ATP8B4: variants seen among roughly 807,000 people sequenced by gnomAD.
ATP8B4 encodes probable phospholipid-transporting ATPase IM.
Under a neutral mutation model 145.6 loss-of-function variants are expected in ATP8B4, and 133 were observed. The observed-to-expected ratio is 0.91, with a 90% CI of 0.79 to 1.05. The LOEUF (loss-of-function observed/expected upper bound fraction) is 1.05. Ranked by LOEUF, ATP8B4 falls within the 50% of genes least tolerant of loss-of-function variation. ATP8B4 has a pLI of 0.00. For synonymous variants in ATP8B4, 507 were observed against 492.9 expected, an observed-to-expected ratio of 1.03 and a Z score of -0.38; for missense variants, 1,458 against 1,425.2, an observed-to-expected ratio of 1.02 and a Z score of -0.37.
intron 25 of ATP8B4, among the ~76,000 whole-genome samples, chr15:49,869,095 G>C (rs1392072015): frequency 6.6e-6 from 1 of 152,086 alleles, no homozygotes; most frequent in Non-Finnish European, 1.5e-5. Flanking sequence ...ATTTTTAGTA[G>C]AGACAGGGTT....
chr15:50,114,336 C>T (rs1178491003), intron 1 of ATP8B4: 1 of 152,074 alleles, frequency 6.6e-6, no homozygotes, highest in African/African-American at 2.4e-5. Flanking sequence ...CATAGCTTAG[C>T]TCCCACTTAT....
chr15:49,950,590 TAAAAA>T (rs766902500), intron 14 of ATP8B4, among the ~76,000 whole-genome samples: 5 of 46,322 alleles, frequency 1.1e-4, no homozygotes, highest in African/African-American at 2.8e-4. Context: ...ATGTATTAAC[TAAAAA>T]AAAAAAACAA....
intron 6 of ATP8B4, among the ~76,000 whole-genome samples, chr15:50,022,045 A>G (rs749596485): frequency 4.6e-5 from 7 of 152,210 alleles, no homozygotes; most frequent in Non-Finnish European, 8.8e-5. Context: ...GGCAAAGGAT[A>G]TCAGTTTAGA....
intron 14 of ATP8B4, among the ~76,000 whole-genome samples, chr15:49,954,240 C>T (rs538017107): frequency 2.6e-4 from 40 of 152,226 alleles, no homozygotes; most frequent in Non-Finnish European, 5.0e-4. Context: ...AGTCAATTCT[C>T]CTTAATAAAC....
At chr15:50,017,738 C>T (rs1439210843) in intron 6 of ATP8B4, among the ~76,000 whole-genome samples, 1 of 152,120 alleles carries the variant, frequency 6.6e-6, no homozygotes, top group Non-Finnish European at 1.5e-5. Flanking sequence ...AAGTGTTGCT[C>T]AATGGTGTGA....
intron 6 of ATP8B4, among the ~76,000 whole-genome samples, chr15:50,023,482 C>T (rs1361029619): frequency 2.0e-5 from 3 of 152,086 alleles, no homozygotes; most frequent in Non-Finnish European, 1.5e-5. Flanking sequence ...ACTCTAATCC[C>T]TACATTTTTA....
chr15:49,891,879 G>A (rs1394106711), intron 23 of ATP8B4, among the ~76,000 whole-genome samples: 1 of 152,082 alleles, frequency 6.6e-6, no homozygotes, highest in Non-Finnish European at 1.5e-5. Flanking sequence ...ATTTTGAGGG[G>A]TCGAGGCAGG....
chr15:49,919,457 G>A (rs1291786022), intron 18 of ATP8B4, among the ~76,000 whole-genome samples: 4 of 151,732 alleles, frequency 2.6e-5, no homozygotes, highest in South Asian at 2.1e-4. Flanking sequence ...TTGCTCTGTC[G>A]CCCAGGCTGG....
intron 1 of ATP8B4, among the ~76,000 whole-genome samples, chr15:50,118,334 T>C (rs953855507): frequency 6.6e-6 from 1 of 152,104 alleles, no homozygotes; most frequent in East Asian, 1.9e-4. Context: ...AGTTATTACA[T>C]ATCACATAAA....
intron 23 of ATP8B4, among the ~76,000 whole-genome samples, chr15:49,884,564 T>C (rs2035920717): frequency 7.3e-6 from 1 of 136,058 alleles, no homozygotes; most frequent in Admixed American, 8.3e-5. Context: ...ATCATACCAC[T>C]GCACTCCAGC....
chr15:49,896,635 A>T (rs1159219575), intron 23 of ATP8B4: 3 of 152,226 alleles, frequency 2.0e-5, no homozygotes, highest in Non-Finnish European at 2.9e-5. Context: ...CAAATTTTTT[A>T]AATTTATAAG....
intron 25 of ATP8B4, among the ~76,000 whole-genome samples, chr15:49,872,320 C>A (rs1243871149): frequency 6.6e-6 from 1 of 152,124 alleles, no homozygotes; most frequent in Non-Finnish European, 1.5e-5. Flanking sequence ...TAAAATTACA[C>A]CTGCTACAGT....
intron 2 of ATP8B4, among the ~76,000 whole-genome samples, chr15:50,093,707 CAA>C (rs2055761171): frequency 6.6e-6 from 1 of 151,770 alleles, no homozygotes; most frequent in Admixed American, 6.6e-5. Flanking sequence ...ACTTAAAAGC[CAA>C]AGTTTATCAA....
chr15:50,175,558 AAAGG>A (rs2044749870), intron 1 of ATP8B4, among the ~76,000 whole-genome samples: 1 of 152,248 alleles, frequency 6.6e-6, no homozygotes, highest in African/African-American at 2.4e-5. Context: ...GACAATTCTC[AAAGG>A]AAGACATACA....
rs2044626288 is a variant in ATP8B4, at chr15:50,168,535, CT to C, written c.-43+13725del. Among the ~76,000 whole-genome samples, 3 of 152,220 alleles carry C rather than the reference CT, an allele frequency of 2.0e-5. No homozygotes were observed. In the South Asian group the frequency reaches 6.2e-4, roughly 32 times the overall value. On this transcript the variant is annotated intron_variant, in intron 1 of 3. Coordinates refer to the ATP8B4 transcript ENST00000558829. ...GCAGCAGAAAGGCCCTGGGAGCTCG[CT>C]GGGCCCTCAAGCAGCCCATTCCTGC...
chr15:50,052,255 G>C (rs924897740), intron 3 of ATP8B4, among the ~76,000 whole-genome samples: 12 of 152,188 alleles, frequency 7.9e-5, no homozygotes, highest in African/African-American at 2.9e-4. Flanking sequence ...CCTCTCAGAA[G>C]TACTTTCCCA....
chr15:49,915,278 T>TA (rs2039626284), intron 20 of ATP8B4, among the ~76,000 whole-genome samples: 2 of 152,090 alleles, frequency 1.3e-5, no homozygotes, highest in Admixed American at 6.5e-5. Context: ...GAGAGTAGAA[T>TA]GATAGATACC....
chr15:49,924,924 T>C (rs912378091), intron 16 of ATP8B4, among the ~76,000 whole-genome samples: 4 of 152,216 alleles, frequency 2.6e-5, no homozygotes, highest in Non-Finnish European at 2.9e-5. Flanking sequence ...AATAATCCAA[T>C]TGAATAATTT....
chr15:50,003,900 A>T (rs1025806654), intron 7 of ATP8B4, among the ~76,000 whole-genome samples: 3 of 152,110 alleles, frequency 2.0e-5, no homozygotes, highest in Admixed American at 2.0e-4. Flanking sequence ...CATGTGACTG[A>T]GGCGCCACTG....
Sources: allele counts gnomAD v4.1 joint callset (sites outside exome capture counted in the v4.1 genomes callset), GRCh38; gene constraint gnomAD v4.1.1; transcripts MANE v1.5; gene names NCBI Gene and HGNC (gene_info 2026-07-23, HGNC 2026-07-21).